The following ZNF883 variants were observed in gnomAD, a reference collection of about 807,000 sequenced individuals.
The protein encoded by ZNF883 is zinc finger protein 883.
chr9:112,999,042 A>T (rs1828395430), upstream of ZNF883: 1 of 152,186 alleles, frequency 6.6e-6, no homozygotes, highest in African/African-American at 2.4e-5. Flanking sequence ...TCATATGATG[A>T]CATTATTTTG....
rs765580046 is a variant in ZNF883 at position 112,997,880 on chromosome 9, C to T, written n.380G>A. 5.0e-6 allele frequency: 8 copies of T among 1,613,518 alleles called. No individual in the cohort carries two copies. In the East Asian group the frequency reaches 1.1e-4, roughly 22 times the overall value. ...GCTGAAAGCTTTCCCACATTCATTACAAGGATAGGGTTTTTCTCCAGTATG... is the reference window on the plus strand; with the variant it reads ...GCTGAAAGCTTTCCCACATTCATTATAAGGATAGGGTTTTTCTCCAGTATG... On this transcript the variant is annotated non_coding_transcript_exon_variant, in exon 1 of 1. Transcript: ENST00000639662.
downstream of ZNF883, among the ~76,000 whole-genome samples, chr9:112,993,874 G>T (rs1010463587): frequency 7.9e-5 from 12 of 152,166 alleles, no homozygotes; most frequent in African/African-American, 2.9e-4. Context: ...AATTCCTCCT[G>T]GGTCCAAACT....
chr9:112,992,539 T>G (rs1173122124), downstream of ZNF883, among the ~76,000 whole-genome samples: 1 of 152,174 alleles, frequency 6.6e-6, no homozygotes, highest in Non-Finnish European at 1.5e-5. Context: ...CCTTGGAGAA[T>G]CTGATGATTA....
downstream of ZNF883, among the ~76,000 whole-genome samples, chr9:112,995,439 CCTTT>C (rs934162278): frequency 3.4e-4 from 52 of 152,042 alleles, no homozygotes; most frequent in Middle Eastern, 3.4e-3. Flanking sequence ...CTCCTTCCTT[CCTTT>C]CTCTCTTCCT....
At chr9:112,993,450 C>T (rs892161938), downstream of ZNF883, among the ~76,000 whole-genome samples, 5 of 152,178 alleles carry the variant, frequency 3.3e-5, no homozygotes, top group Admixed American at 1.3e-4. Context: ...CTCAGAGGGG[C>T]ACCAAACTAA....
exon 1 of ZNF883, chr9:112,997,387 T>C (rs759856835): frequency 1.5e-5 from 24 of 1,613,984 alleles, no homozygotes; most frequent in Non-Finnish European, 1.9e-5. Flanking sequence ...ATTGATAGGG[T>C]TTCACACAAG....
intron 2 of ZNF883, among the ~76,000 whole-genome samples, chr9:113,004,126 G>T (rs1469316733): frequency 6.6e-6 from 1 of 152,232 alleles, no homozygotes; most frequent in Non-Finnish European, 1.5e-5. Context: ...TGTGATGAAA[G>T]AGCAGAGAAC....
upstream of ZNF883, among the ~76,000 whole-genome samples, chr9:113,000,926 A>G (rs1177474533): frequency 1.3e-5 from 2 of 152,164 alleles, no homozygotes; most frequent in Non-Finnish European, 2.9e-5. Context: ...TAAGTAAAAA[A>G]ACCATAAAGG....
chr9:113,003,139 C>T (rs374755070), upstream of ZNF883, among the ~76,000 whole-genome samples: 10 of 152,216 alleles, frequency 6.6e-5, no homozygotes, highest in Admixed American at 2.6e-4. Flanking sequence ...TGTCCCCACA[C>T]GTCAAGGATT....
At chr9:112,988,638 T>G (rs998202053) in intron 1 of ZNF883, among the ~76,000 whole-genome samples, 6 of 152,226 alleles carry the variant, frequency 3.9e-5, no homozygotes. Flanking sequence ...ATCTTCATAA[T>G]AGAATGATTT....
intron 2 of ZNF883, among the ~76,000 whole-genome samples, chr9:113,004,821 A>G (rs1400348949): frequency 4.0e-5 from 6 of 150,794 alleles, no homozygotes; most frequent in Non-Finnish European, 8.8e-5. Context: ...AACATATTCT[A>G]TAGCTACATT....
intron 2 of ZNF883, among the ~76,000 whole-genome samples, chr9:113,008,552 G>A (rs533999321): frequency 6.6e-6 from 1 of 152,128 alleles, no homozygotes; most frequent in South Asian, 2.1e-4. Flanking sequence ...TTCTCTCACA[G>A]TAAATTAAGT....
At chr9:112,992,074 C>T (rs1828308766) in intron 1 of ZNF883, among the ~76,000 whole-genome samples, 1 of 152,174 alleles carries the variant, frequency 6.6e-6, no homozygotes, top group African/African-American at 2.4e-5. Flanking sequence ...GCATTTAGCC[C>T]ATTTACATTT....
At chr9:112,998,209 T>A in exon 1 of ZNF883, 1 of 1,613,708 alleles carries the variant, frequency 6.2e-7, no homozygotes, top group Middle Eastern at 1.6e-4. Context: ...CTTTCCCACA[T>A]TCAGTACAGA....
exon 1 of ZNF883, chr9:112,998,161 T>G: frequency 6.2e-7 from 1 of 1,613,978 alleles, no homozygotes; most frequent in Non-Finnish European, 8.5e-7. Flanking sequence ...CAATATGTGT[T>G]TTCTGATGCT....
chr9:113,003,557 G>T (rs953751301), intron 2 of ZNF883, among the ~76,000 whole-genome samples: 1 of 149,234 alleles, frequency 6.7e-6, no homozygotes, highest in Non-Finnish European at 1.5e-5. Flanking sequence ...TGACTTAAGC[G>T]GTCTAACATA....
rs184048601 is a variant in ZNF883, at chr9:112,997,342, T to A, written n.918A>T. The A allele has an allele frequency of 3.3e-5, 54 of 1,614,104 alleles. 1 individual carries two copies. In the Admixed American group the frequency reaches 7.8e-4, roughly 23 times the overall value. On this transcript the variant is annotated non_coding_transcript_exon_variant, in exon 1 of 1. Coordinates refer to ENST00000639662, the Ensembl canonical transcript of ZNF883. Reference sequence around the variant, plus strand: ...GCGTCCTCTGATGTCGAATTAGTGATGTTCTATAGCAAAACAGTTTCTGAC... The same window carrying A: ...GCGTCCTCTGATGTCGAATTAGTGAAGTTCTATAGCAAAACAGTTTCTGAC...
upstream of ZNF883, among the ~76,000 whole-genome samples, chr9:113,000,822 A>G (rs1016130528): frequency 6.6e-6 from 1 of 152,150 alleles, no homozygotes; most frequent in Non-Finnish European, 1.5e-5. Context: ...AATAGAATAT[A>G]AGTGAAACAC....
chr9:113,000,395 A>AT (rs1828411427), upstream of ZNF883, among the ~76,000 whole-genome samples: 1 of 152,182 alleles, frequency 6.6e-6, no homozygotes, highest in Non-Finnish European at 1.5e-5. Flanking sequence ...CTGTCAGAAC[A>AT]TTAACAGGAT....
Sources: allele counts gnomAD v4.1 joint callset (sites outside exome capture counted in the v4.1 genomes callset), GRCh38; gene constraint gnomAD v4.1.1; transcripts MANE v1.5; gene names NCBI Gene and HGNC (gene_info 2026-07-23, HGNC 2026-07-21).